The following ADCY10 variants were observed in gnomAD, a reference collection of about 807,000 sequenced individuals.
ADCY10 encodes adenylate cyclase type 10.
ADCY10 carries 156 observed loss-of-function variants against 183.3 expected under a neutral mutation model. The ratio of observed to expected loss-of-function variants is 0.85; its 90% CI spans 0.75 to 0.97. The LOEUF (loss-of-function observed/expected upper bound fraction) is 0.97, where lower values mean the gene tolerates loss of function less well. Ranked by LOEUF, ADCY10 falls within the 50% of genes least tolerant of loss-of-function variation. The pLI, the probability that ADCY10 is intolerant of heterozygous loss-of-function variation, is 0.00. For missense variants in ADCY10, 1,745 were observed against 1,934.3 expected, an observed-to-expected ratio of 0.90 and a Z score of 1.84; for synonymous variants, 645 against 670.0, an observed-to-expected ratio of 0.96 and a Z score of 0.58.
At chr1:167,844,659 G>A (rs1664874658) in intron 21 of ADCY10, among the ~76,000 whole-genome samples, 1 of 152,108 alleles carries the variant, frequency 6.6e-6, no homozygotes, top group Non-Finnish European at 1.5e-5. Context: ...CAACCTTAAA[G>A]GGTTAATATG....
rs75560913 is a variant in ADCY10, at chr1:167,827,559, T to C, written c.3750+1708A>G. 8.9e-3 allele frequency among the ~76,000 whole-genome samples: 1,354 copies of C among 152,144 alleles called. 73 individuals are homozygous for C. In the East Asian group the frequency reaches 0.13, roughly 14 times the overall value. The stretch of plus-strand genomic sequence containing the variant: ...AATTTCTTGATCATGTCTCCTGATA[T>C]CTTCTTCATCCAGTCAAAGGCTTCT... On this transcript the variant is annotated intron_variant, in intron 26 of 32. Coordinates refer to ENST00000367851, the MANE Select transcript of ADCY10 (RefSeq NM_018417.6).
chr1:167,853,004 T>C (rs183718536), intron 18 of ADCY10, among the ~76,000 whole-genome samples: 3 of 152,316 alleles, frequency 2.0e-5, no homozygotes, highest in Admixed American at 2.0e-4. Context: ...ATCTTTTTTA[T>C]GAAATTTCCC....
rs1398495963 is a variant in ADCY10, at chr1:167,880,205, G to T, written c.1140-14C>A. ...ATGGATACAGTTCTGGTGCAGGGGAGACAAGATTTGTGGGGAAAGAAATAA... is the reference window on the plus strand; with the variant it reads ...ATGGATACAGTTCTGGTGCAGGGGATACAAGATTTGTGGGGAAAGAAATAA... On this transcript the variant is annotated splice_polypyrimidine_tract_variant and intron_variant, in intron 10 of 32. Coordinates refer to ENST00000367851, the MANE Select transcript of ADCY10 (RefSeq NM_018417.6). 2 of 1,606,274 alleles carry T rather than the reference G, an allele frequency of 1.2e-6. No homozygotes were observed. The highest frequency in any genetic ancestry group is 1.1e-5 in the South Asian group (1 of 90,138).
chr1:167,839,315 T>C (rs2105955), intron 21 of ADCY10, among the ~76,000 whole-genome samples: 49,485 of 152,076 alleles, frequency 0.33, 11,119 homozygotes, highest in African/African-American at 0.64. Context: ...GGGTAGGACT[T>C]TTAGAAGATC....
intron 8 of ADCY10, among the ~76,000 whole-genome samples, chr1:167,886,794 A>T (rs1668252101): frequency 6.6e-6 from 1 of 152,254 alleles, no homozygotes; most frequent in African/African-American, 2.4e-5. Flanking sequence ...CAATCTACCC[A>T]TCTGACAAAG....
chr1:167,851,360 T>C (rs1387801808), intron 18 of ADCY10, among the ~76,000 whole-genome samples: 1 of 151,996 alleles, frequency 6.6e-6, no homozygotes, highest in Non-Finnish European at 1.5e-5. Context: ...CTAATTTTTG[T>C]ATTTTTAGTA....
Position 167,871,366 on chromosome 1 carries a change from G to GT in ADCY10, c.1463-957dup, listed in dbSNP as rs1462822569. ...AATTCTTAGTGAAAATAGATTATAG[G>GT]TTTTTTCTGATTATAAAACTAACAT... is the stretch of plus-strand genomic sequence containing the variant. On this transcript the variant is annotated intron_variant, in intron 13 of 32. Coordinates refer to ENST00000367851, the MANE Select transcript of ADCY10 (RefSeq NM_018417.6). 2.6e-5 allele frequency among the ~76,000 whole-genome samples: 4 copies of GT among 152,132 alleles called. No homozygotes were observed. The East Asian group carries it at 5.8e-4, about 22-fold the overall frequency.
At chr1:167,851,716 C>T (rs185435907) in intron 18 of ADCY10, among the ~76,000 whole-genome samples, 38 of 151,592 alleles carry the variant, frequency 2.5e-4, no homozygotes, top group African/African-American at 8.2e-4. Context: ...CCCAGATACT[C>T]GGGAGGCTGA....
At chr1:167,830,659 G>T (rs1663653207) in intron 25 of ADCY10, among the ~76,000 whole-genome samples, 1 of 152,194 alleles carries the variant, frequency 6.6e-6, no homozygotes. Flanking sequence ...CTCCCGAAGT[G>T]CTGGGATTGC....
At chr1:167,893,720 G>C in intron 8 of ADCY10, 133 bp downstream of exon 8, 2 of 386,576 alleles carry the variant, frequency 5.2e-6, no homozygotes, top group East Asian at 6.2e-5. Context: ...AAAAAAAAAA[G>C]GAAGTCTTTT....
chr1:167,899,335 T>A, intron 6 of ADCY10, 88 bp downstream of exon 6: 1 of 1,348,250 alleles, frequency 7.4e-7, no homozygotes, highest in Non-Finnish European at 1.1e-6. Flanking sequence ...AGGAGCTTTA[T>A]GAAACCAGCG....
At chr1:167,839,176 G>A (rs767260492) in intron 21 of ADCY10, among the ~76,000 whole-genome samples, 20 of 152,192 alleles carry the variant, frequency 1.3e-4, no homozygotes, top group African/African-American at 4.3e-4. Flanking sequence ...AGGAACTGCC[G>A]GTTTCCCAAC....
chr1:167,909,921 C>A (rs203780), intron 1 of ADCY10, among the ~76,000 whole-genome samples: 3,059 of 151,548 alleles, frequency 0.02, 75 homozygotes, highest in African/African-American at 0.053. Context: ...AGTGGCAAGA[C>A]CAGCCGGCGC....
chr1:167,840,198 T>A (rs1469963397), intron 21 of ADCY10, among the ~76,000 whole-genome samples: 1 of 151,686 alleles, frequency 6.6e-6, no homozygotes, highest in Admixed American at 6.6e-5. Flanking sequence ...TGCCACTACA[T>A]TCCAGCCTGG....
rs144249286 is a variant in ADCY10, at chr1:167,819,830, G to A, written c.4287-1563C>T. The A allele has an allele frequency of 7.5e-4, 495 of 659,646 alleles. 3 individuals carry two copies. In the African/African-American group the frequency reaches 8.0e-3, roughly 11 times the overall value. 40.9% of individuals were successfully genotyped at this position (659,646 alleles called of 1,614,324 possible). ...TCTGCCGGCCTCGGCCTCCCAAAGT[G>A]CTGGGATTACAGGTGTCAGCCACCG... is the stretch of plus-strand genomic sequence containing the variant. On this transcript the variant is annotated intron_variant, in intron 30 of 32. Transcript: ENST00000367851.
chr1:167,872,277 A>G (rs1449855334), intron 13 of ADCY10, among the ~76,000 whole-genome samples: 2 of 151,892 alleles, frequency 1.3e-5, no homozygotes, highest in African/African-American at 4.8e-5. Flanking sequence ...GGCGGAGGTT[A>G]CAGTAAGCCG....
rs996271984 is a variant in ADCY10 at position 167,883,123 on chromosome 1, C to T, written c.1020+314G>A. 2.6e-5 allele frequency among the ~76,000 whole-genome samples: 4 copies of T among 152,340 alleles called. 1 individual carries two copies. The highest frequency in any genetic ancestry group is 4.1e-4 in the South Asian group (2 of 4,826). ...TGCGATCTCGGCTCACTGCAACCTCCGCCTCTCAGGTTCAAGCCATTGTCC... is the reference window on the plus strand; with the variant it reads ...TGCGATCTCGGCTCACTGCAACCTCTGCCTCTCAGGTTCAAGCCATTGTCC... On this transcript the variant is annotated intron_variant, in intron 9 of 32. Transcript: ENST00000367851.
chr1:167,910,180 G>A (rs1307048808), intron 1 of ADCY10, among the ~76,000 whole-genome samples: 1 of 152,176 alleles, frequency 6.6e-6, no homozygotes, highest in Non-Finnish European at 1.5e-5. Flanking sequence ...GGCTCGTCCT[G>A]CTACAATGGT....
At chr1:167,899,926 C>T (rs1163024648) in intron 5 of ADCY10, among the ~76,000 whole-genome samples, 1 of 152,160 alleles carries the variant, frequency 6.6e-6, no homozygotes, top group African/African-American at 2.4e-5. Context: ...ATTATGTATA[C>T]TTAAGGGCAA....
Sources: allele counts gnomAD v4.1 joint callset (sites outside exome capture counted in the v4.1 genomes callset), GRCh38; gene constraint gnomAD v4.1.1; transcripts MANE v1.5; gene names NCBI Gene and HGNC (gene_info 2026-07-23, HGNC 2026-07-21).